The following TMEM50B variants were observed in gnomAD, a reference collection of about 807,000 sequenced individuals.
The protein encoded by TMEM50B is HCV p7-trans-regulated protein 3.
A neutral mutation model predicts 23.4 loss-of-function variants in TMEM50B; 14 were observed. The observed-to-expected ratio is 0.60, with a 90% CI of 0.39 to 0.93. The LOEUF (loss-of-function observed/expected upper bound fraction) is 0.93. Among genes scored for constraint, TMEM50B ranks in the 40% least tolerant of loss-of-function variants. The pLI is 0.00. For synonymous variants in TMEM50B, 64 were observed against 62.3 expected (o/e 1.03, Z -0.13); for missense variants, 159 against 193.0 (o/e 0.82, Z 1.04).
Position 33,450,422 on chromosome 21 carries a change from T to C in TMEM50B, c.*396A>G, listed in dbSNP as rs1270151386. 3 of 155,954 alleles carry C rather than the reference T, an allele frequency of 1.9e-5. No individual in the cohort carries two copies. The highest frequency in any genetic ancestry group is 6.5e-5 in the Admixed American group (1 of 15,426). The allele number at this position is 155,954 out of a possible 1,614,324, so 9.7% of individuals were successfully genotyped here. A position where few individuals can be genotyped will look rare whatever the true frequency, so the allele number is the denominator to read the frequency against. On this transcript the variant is annotated 3_prime_UTR_variant, in exon 7 of 7. Transcript: ENST00000542230. ...TGTTGGCCAGGCTGGTCTCAAACAC[T>C]TGACCTCAAGCAATCGGCCCGCCTC...
At chr21:33,432,582 G>A in exon 9 of TMEM50B, 1 of 1,017,074 alleles carries the variant, frequency 9.8e-7, no homozygotes, top group Non-Finnish European at 1.6e-6. Flanking sequence ...ACCAGGTGAG[G>A]GTGGGGGGTA....
chr21:33,465,495 G>C, intron 3 of TMEM50B, 86 bp from the exon 4 acceptor site: 1 of 967,730 alleles, frequency 1.0e-6, no homozygotes, highest in South Asian at 1.8e-5. Context: ...ACGGAAAACA[G>C]ATTATTTCAT....
At chr21:33,458,968 A>T (rs1289507470) in intron 5 of TMEM50B, among the ~76,000 whole-genome samples, 1 of 152,230 alleles carries the variant, frequency 6.6e-6, no homozygotes, top group Non-Finnish European at 1.5e-5. Context: ...TCTTATACTG[A>T]TCAAACTATG....
chr21:33,462,513 A>G (rs1156413046), intron 4 of TMEM50B, among the ~76,000 whole-genome samples: 1 of 152,126 alleles, frequency 6.6e-6, no homozygotes, highest in African/African-American at 2.4e-5. Flanking sequence ...CCTATAAAAA[A>G]CAGATAATAG....
rs1156976619 is a variant in TMEM50B, at chr21:33,468,777, T to G, written c.99+10A>C. On this transcript the variant is annotated intron_variant, in intron 2 of 6. Coordinates refer to ENST00000542230, the MANE Select transcript of TMEM50B (RefSeq NM_006134.7). ...GGGATACATGTCACCAACCAGTCTT[T>G]CTCACTTACCAATATACCTGCGACA... 4 of 1,610,442 alleles carry G rather than the reference T, an allele frequency of 2.5e-6. No homozygotes were observed. The highest frequency in any genetic ancestry group is 3.4e-6 in the Non-Finnish European group (4 of 1,177,538).
chr21:33,466,187 G>A (rs1051190877), intron 3 of TMEM50B, among the ~76,000 whole-genome samples: 3 of 152,154 alleles, frequency 2.0e-5, no homozygotes, highest in Non-Finnish European at 4.4e-5. Flanking sequence ...CTTGAACCCG[G>A]GAGGCAGAGG....
At chr21:33,440,443 C>G (rs2083998035) in intron 7 of TMEM50B, among the ~76,000 whole-genome samples, 1 of 151,634 alleles carries the variant, frequency 6.6e-6, no homozygotes, top group African/African-American at 2.4e-5. Flanking sequence ...CAAAAATTAG[C>G]TGGGCATGGT....
At chr21:33,446,102 G>A (rs1214389440), downstream of TMEM50B, among the ~76,000 whole-genome samples, 10 of 152,034 alleles carry the variant, frequency 6.6e-5, no homozygotes, top group Admixed American at 6.6e-4. Context: ...CTGGCCACAG[G>A]CTTTTCCCAA....
chr21:33,470,202 T>C (rs1276482563), intron 1 of TMEM50B, among the ~76,000 whole-genome samples: 1 of 152,112 alleles, frequency 6.6e-6, no homozygotes, highest in Non-Finnish European at 1.5e-5. Context: ...AGATGCGTGG[T>C]GGCTCACGCC....
chr21:33,474,451 C>T (rs768167659), intron 1 of TMEM50B, among the ~76,000 whole-genome samples: 2 of 151,068 alleles, frequency 1.3e-5, no homozygotes, highest in Admixed American at 6.6e-5. Context: ...ATTCTTCAAG[C>T]TGAAAGGAAT....
chr21:33,439,363 G>T (rs552797196), intron 7 of TMEM50B: 1 of 151,892 alleles, frequency 6.6e-6, no homozygotes, highest in Non-Finnish European at 1.5e-5. Flanking sequence ...CTCTGTTAGG[G>T]TAAGTGCATC....
At chr21:33,471,063 A>T (rs1248625769) in intron 1 of TMEM50B, among the ~76,000 whole-genome samples, 1 of 152,224 alleles carries the variant, frequency 6.6e-6, no homozygotes, top group South Asian at 2.1e-4. Context: ...GTTCAGGACC[A>T]CCATAACAGC....
intron 4 of TMEM50B, among the ~76,000 whole-genome samples, chr21:33,462,888 T>C (rs1178115607): frequency 6.6e-6 from 1 of 152,236 alleles, no homozygotes; most frequent in African/African-American, 2.4e-5. Context: ...CACACACATA[T>C]TGTGCACTTT....
At chr21:33,476,586 C>A (rs978453887) in intron 1 of TMEM50B, among the ~76,000 whole-genome samples, 1 of 151,334 alleles carries the variant, frequency 6.6e-6, no homozygotes, top group South Asian at 2.1e-4. Context: ...ACGATGAAAC[C>A]CCGTCTCTAC....
At chr21:33,464,495 C>T (rs929803221) in intron 4 of TMEM50B, among the ~76,000 whole-genome samples, 106 of 148,046 alleles carry the variant, frequency 7.2e-4, no homozygotes, top group African/African-American at 2.5e-3. Flanking sequence ...CCACTGCGCC[C>T]GGCCGTAAAT....
chr21:33,475,038 T>C (rs1437924631), intron 1 of TMEM50B, among the ~76,000 whole-genome samples: 7 of 150,624 alleles, frequency 4.6e-5, no homozygotes, highest in Non-Finnish European at 8.9e-5. Flanking sequence ...GCAATTCTCC[T>C]GCCTCAGCCT....
chr21:33,437,816 T>C (rs2083972081), intron 8 of TMEM50B, among the ~76,000 whole-genome samples: 2 of 151,452 alleles, frequency 1.3e-5, no homozygotes, highest in South Asian at 2.1e-4. Flanking sequence ...AAACCCTGTC[T>C]CTATGAAAAA....
chr21:33,456,022 A>C (rs1432305928), intron 5 of TMEM50B: 2 of 685,866 alleles, frequency 2.9e-6, no homozygotes, highest in Non-Finnish European at 5.5e-6. Flanking sequence ...CTTTTAGTCA[A>C]AGTAATTGCT....
At chr21:33,446,214 TTTTTC>T (rs1265325483), downstream of TMEM50B, among the ~76,000 whole-genome samples, 4 of 151,110 alleles carry the variant, frequency 2.6e-5, no homozygotes, top group Admixed American at 6.7e-5. Flanking sequence ...CCAAATTACA[TTTTTC>T]TTTTATTTTT....
Sources: gnomAD v4.1 joint callset for allele counts (sites outside exome capture counted in the v4.1 genomes callset) on GRCh38, gnomAD v4.1.1 for gene constraint, MANE v1.5 for transcripts, NCBI Gene and HGNC (gene_info 2026-07-23, HGNC 2026-07-21) for gene names.